The following GULP1 variants were observed in gnomAD, a reference collection of about 807,000 sequenced individuals.
The protein encoded by GULP1 is PTB domain-containing engulfment adapter protein 1.
A neutral mutation model predicts 40.9 loss-of-function variants in GULP1; 19 were observed. That is an observed-to-expected ratio of 0.46 (90% CI 0.32 to 0.68). The LOEUF (loss-of-function observed/expected upper bound fraction) is 0.68, where lower values mean the gene tolerates loss of function less well. Among genes scored for constraint, GULP1 ranks in the 30% least tolerant of loss-of-function variants. The probability of loss-of-function intolerance (pLI) is 0.03; values close to 1 mark genes in which losing one functional copy is unlikely to be tolerated. For synonymous variants in GULP1, 119 were observed against 117.6 expected, an observed-to-expected ratio of 1.01 and a Z score of -0.08; for missense variants, 312 against 362.2, an observed-to-expected ratio of 0.86 and a Z score of 1.12.
chr2:188,319,408 T>A (rs1398078841), intron 1 of GULP1, among the ~76,000 whole-genome samples: 1 of 152,296 alleles, frequency 6.6e-6, no homozygotes, highest in African/African-American at 2.4e-5. Context: ...TACATCTTGA[T>A]GTTAATACAT....
chr2:188,592,865 A>G (rs1703846335), intron 11 of GULP1: 1 of 152,108 alleles, frequency 6.6e-6, no homozygotes, highest in African/African-American at 2.4e-5. Flanking sequence ...CCCAAAGCAG[A>G]GGTGAAAACC....
At chr2:188,506,005 A>G (rs545707565) in intron 4 of GULP1, among the ~76,000 whole-genome samples, 1 of 152,008 alleles carries the variant, frequency 6.6e-6, no homozygotes, top group East Asian at 1.9e-4. Context: ...ATATATAATT[A>G]TAGTACTGTA....
intron 11 of GULP1, 103 bp downstream of exon 11, chr2:188,588,052 G>A (rs751519015): frequency 1.2e-4 from 93 of 750,058 alleles, no homozygotes; most frequent in East Asian, 4.2e-4. Flanking sequence ...AATTATTTTC[G>A]CTATAAAAAC....
intron 11 of GULP1, chr2:188,590,130 G>C (rs761647562): frequency 6.5e-6 from 1 of 154,104 alleles, no homozygotes; most frequent in African/African-American, 2.4e-5. Context: ...GCACTACCAC[G>C]CGTGGCTAAT....
chr2:188,417,379 A>G (rs749199480), intron 2 of GULP1, among the ~76,000 whole-genome samples: 3 of 152,168 alleles, frequency 2.0e-5, no homozygotes, highest in Non-Finnish European at 2.9e-5. Context: ...GAAGTTGTCT[A>G]CCTATTCTAG....
chr2:188,352,555 C>T (rs1452385880), intron 1 of GULP1, among the ~76,000 whole-genome samples: 1 of 151,418 alleles, frequency 6.6e-6, no homozygotes, highest in African/African-American at 2.4e-5. Context: ...TAAAATTTTT[C>T]TCTCTCTCTT....
At position 188,577,259 on chromosome 2, in the gene GULP1, G is replaced by C. The variant is rs538769057; in HGVS notation, c.610-7006G>C. 5.9e-5 allele frequency among the ~76,000 whole-genome samples: 9 copies of C among 152,116 alleles called. No homozygotes were observed. In the East Asian group the frequency reaches 1.7e-3, roughly 29 times the overall value. ...AACTGTGTGGCCACTGATTAGACTT[G>C]ATAGGACAATTATAACCTAAAACGT... On this transcript the variant is annotated intron_variant, in intron 9 of 11. Transcript: ENST00000409830.
intron 11 of GULP1, chr2:188,589,692 A>AT (rs1204297890): frequency 8.9e-7 from 1 of 1,124,192 alleles, no homozygotes; most frequent in African/African-American, 1.6e-5. Flanking sequence ...TGTTTCTAAT[A>AT]TTTTCTTAAT....
chr2:188,304,006 G>A (rs1461156165), intron 1 of GULP1, among the ~76,000 whole-genome samples: 2 of 152,050 alleles, frequency 1.3e-5, no homozygotes, highest in Non-Finnish European at 2.9e-5. Flanking sequence ...ACCCTCTGGC[G>A]ACCTTTGCTT....
At chr2:188,447,890 C>T (rs559478841) in intron 2 of GULP1, among the ~76,000 whole-genome samples, 1 of 152,162 alleles carries the variant, frequency 6.6e-6, no homozygotes, top group Non-Finnish European at 1.5e-5. Flanking sequence ...GATCACTGTA[C>T]GTTTTTTGAG....
intron 4 of GULP1, among the ~76,000 whole-genome samples, chr2:188,485,231 C>T (rs1431570654): frequency 1.3e-5 from 2 of 152,016 alleles, no homozygotes; most frequent in African/African-American, 4.8e-5. Flanking sequence ...CTACCTTTAA[C>T]TCCGCCAATC....
intron 1 of GULP1, among the ~76,000 whole-genome samples, chr2:188,353,072 G>A (rs1188561190): frequency 6.6e-6 from 1 of 151,964 alleles, no homozygotes; most frequent in Non-Finnish European, 1.5e-5. Flanking sequence ...AAAATTCATG[G>A]GATAATAAAT....
chr2:188,498,389 G>A (rs998716323), intron 4 of GULP1, among the ~76,000 whole-genome samples: 1 of 151,800 alleles, frequency 6.6e-6, no homozygotes, highest in Admixed American at 6.6e-5. Context: ...TAGAACATCT[G>A]GGTTAGAAAT....
At chr2:188,351,681 CTT>C (rs1028700412) in intron 1 of GULP1, among the ~76,000 whole-genome samples, 1 of 152,022 alleles carries the variant, frequency 6.6e-6, no homozygotes, top group Non-Finnish European at 1.5e-5. Context: ...TAATATGAAA[CTT>C]ATACATTCAT....
At chr2:188,327,163 C>T (rs1307773813) in intron 1 of GULP1, among the ~76,000 whole-genome samples, 2 of 152,136 alleles carry the variant, frequency 1.3e-5, no homozygotes, top group African/African-American at 2.4e-5. Flanking sequence ...TCTGAGGCCT[C>T]TGTGTTTTAC....
At chr2:188,453,888 GA>G (rs1198218726) in intron 2 of GULP1, among the ~76,000 whole-genome samples, 1 of 152,206 alleles carries the variant, frequency 6.6e-6, no homozygotes, top group Non-Finnish European at 1.5e-5. Flanking sequence ...TAGTTCTGTA[GA>G]TGCTAATGCT....
chr2:188,343,391 T>C (rs2043215470), intron 1 of GULP1, among the ~76,000 whole-genome samples: 1 of 152,132 alleles, frequency 6.6e-6, no homozygotes, highest in Non-Finnish European at 1.5e-5. Context: ...TTTTAGACAG[T>C]GTAGTGGCAC....
chr2:188,492,376 T>G (rs1488070808), intron 4 of GULP1, among the ~76,000 whole-genome samples: 2 of 152,066 alleles, frequency 1.3e-5, no homozygotes, highest in African/African-American at 4.8e-5. Context: ...CAGTATAGAC[T>G]TTTGGTTAAC....
chr2:188,530,039 C>T (rs567073166), intron 6 of GULP1, among the ~76,000 whole-genome samples: 1 of 152,178 alleles, frequency 6.6e-6, no homozygotes, highest in East Asian at 1.9e-4. Flanking sequence ...ACCTGATTGG[C>T]TATAGCAAGG....
Sources: allele counts gnomAD v4.1 joint callset (sites outside exome capture counted in the v4.1 genomes callset), GRCh38; gene constraint gnomAD v4.1.1; transcripts MANE v1.5; gene names NCBI Gene and HGNC (gene_info 2026-07-23, HGNC 2026-07-21).